Variants in WWTR1 observed in about 807,000 individuals in gnomAD.
WWTR1 encodes the protein WW domain containing transcription regulator 1.
WWTR1 carries 13 observed loss-of-function variants against 40.1 expected under a neutral mutation model. That is an observed-to-expected ratio of 0.32 (90% CI 0.21 to 0.52). WWTR1 has a LOEUF of 0.52. Among genes scored for constraint, WWTR1 ranks in the 20% least tolerant of loss-of-function variants. The pLI, the probability that WWTR1 is intolerant of heterozygous loss-of-function variation, is 0.97. For synonymous variants in WWTR1, 230 were observed against 210.1 expected, an observed-to-expected ratio of 1.09 and a Z score of -0.82; for missense variants, 436 against 523.1, an observed-to-expected ratio of 0.83 and a Z score of 1.63.
chr3:149,676,268 CA>C (rs11396107), intron 1 of WWTR1, among the ~76,000 whole-genome samples: 7 of 151,928 alleles, frequency 4.6e-5, no homozygotes, highest in African/African-American at 1.7e-4. Context: ...GGGAAAGAGA[CA>C]AAAAAAATCT....
At chr3:149,655,208 G>A (rs1713135825) in intron 2 of WWTR1, among the ~76,000 whole-genome samples, 1 of 151,964 alleles carries the variant, frequency 6.6e-6, no homozygotes, top group African/African-American at 2.4e-5. Context: ...ACTTTAGGAG[G>A]CCGAGGCAGG....
At chr3:149,620,390 G>A (rs779532296) in intron 2 of WWTR1, among the ~76,000 whole-genome samples, 1 of 152,150 alleles carries the variant, frequency 6.6e-6, no homozygotes. Flanking sequence ...GGCAACCACA[G>A]AATTCATCTT....
At chr3:149,538,696 A>G (rs1735940558) in intron 4 of WWTR1, among the ~76,000 whole-genome samples, 2 of 152,200 alleles carry the variant, frequency 1.3e-5, no homozygotes, top group South Asian at 2.1e-4. Flanking sequence ...GGAAAGAAAA[A>G]GGAGTATCTG....
At chr3:149,526,725 C>G (rs1431020106) in intron 5 of WWTR1, among the ~76,000 whole-genome samples, 3 of 152,094 alleles carry the variant, frequency 2.0e-5, no homozygotes, top group African/African-American at 4.8e-5. Context: ...AATTTAAAAC[C>G]TCCATTAATT....
At chr3:149,655,975 G>A (rs374205323) in intron 2 of WWTR1, among the ~76,000 whole-genome samples, 13 of 152,294 alleles carry the variant, frequency 8.5e-5, no homozygotes, top group African/African-American at 3.1e-4. Flanking sequence ...AAGTGGTTAG[G>A]CTGGCACAAC....
chr3:149,617,277 G>A (rs1740019838), intron 2 of WWTR1, among the ~76,000 whole-genome samples: 2 of 152,222 alleles, frequency 1.3e-5, no homozygotes, highest in Admixed American at 1.3e-4. Flanking sequence ...TCACTCCAGG[G>A]CAATTGGATT....
chr3:149,540,768 T>G (rs1736057830), intron 4 of WWTR1, among the ~76,000 whole-genome samples: 2 of 152,092 alleles, frequency 1.3e-5, no homozygotes, highest in East Asian at 3.8e-4. Context: ...TACCTAATTA[T>G]TAAGTTGTAT....
intron 3 of WWTR1, chr3:149,724,249 C>T (rs1715822559): frequency 6.6e-6 from 1 of 152,018 alleles, no homozygotes; most frequent in Non-Finnish European, 1.5e-5. Flanking sequence ...TATAATGAAT[C>T]CCTGTGCACT....
At chr3:149,657,646 CAGCCCCCCGAAA>C (rs1480331837) in intron 1 of WWTR1, 107 bp downstream of exon 1, 27 of 234,312 alleles carry the variant, frequency 1.2e-4, no homozygotes, top group Non-Finnish European at 2.1e-4. Context: ...CCAGGACAGG[CAGCCCCCCGAAA>C]GAAGTTCAGC....
chr3:149,692,523 T>C (rs1220712493), intron 1 of WWTR1, among the ~76,000 whole-genome samples: 3 of 152,186 alleles, frequency 2.0e-5, no homozygotes, highest in Non-Finnish European at 2.9e-5. Context: ...AAGCCATATA[T>C]GACAGACCCA....
At position 149,635,865 on chromosome 3, in the gene WWTR1, A is replaced by G. The variant is rs58621801; in HGVS notation, c.431+21011T>C. ...ATAAAAAAAAGGCAATGTTGAATAT[A>G]TGACCATCTATGAGTAAAGTAAACC... On this transcript the variant is annotated intron_variant, in intron 2 of 6. Coordinates refer to ENST00000360632, the MANE Select transcript of WWTR1 (RefSeq NM_015472.6). Among the ~76,000 whole-genome samples, 742 of 152,314 alleles carry G rather than the reference A, an allele frequency of 4.9e-3. 4 individuals carry two copies. The highest frequency in any genetic ancestry group is 0.017 in the African/African-American group (696 of 41,566).
Position 149,657,280 on chromosome 3 carries a change from C to T in WWTR1, c.27G>A (p.Pro9=), listed in dbSNP as rs1300743027. The T allele has an allele frequency of 6.2e-7, 1 of 1,612,470 alleles. No homozygotes were observed. The highest frequency in any genetic ancestry group is 2.2e-5 in the East Asian group (1 of 44,848). Residue 9 remains proline, a synonymous_variant, in exon 2 of 7, where the codon CCG becomes CCA. Transcript: ENST00000360632. MNPASAPP[P]LPPPGQQVIH... ...TCACTTGCTGCCCAGGCGGCGGGAG[C>T]GGAGGGGGCGCCGAGGCCGGATTCA...
chr3:149,577,225 C>T (rs972644135), intron 2 of WWTR1, among the ~76,000 whole-genome samples: 1 of 152,128 alleles, frequency 6.6e-6, no homozygotes, highest in African/African-American at 2.4e-5. Context: ...CTCCTATCTT[C>T]GTGTGGCTCA....
intron 4 of WWTR1, among the ~76,000 whole-genome samples, chr3:149,535,971 C>T (rs1057390409): frequency 3.9e-5 from 6 of 152,026 alleles, no homozygotes; most frequent in Non-Finnish European, 5.9e-5. Flanking sequence ...CAAGATTGTG[C>T]CACAGCACTC....
intron 1 of WWTR1, among the ~76,000 whole-genome samples, chr3:149,686,405 G>A (rs1714654851): frequency 6.6e-6 from 1 of 152,164 alleles, no homozygotes; most frequent in Non-Finnish European, 1.5e-5. Flanking sequence ...TGAAGTCCAA[G>A]GCTATAAGGA....
chr3:149,601,746 C>G (rs987040267), intron 2 of WWTR1, among the ~76,000 whole-genome samples: 1 of 151,472 alleles, frequency 6.6e-6, no homozygotes, highest in East Asian at 1.9e-4. Flanking sequence ...TTATATAATT[C>G]TATTCTTTGG....
chr3:149,590,945 T>C (rs1435050904), intron 2 of WWTR1, among the ~76,000 whole-genome samples: 1 of 151,452 alleles, frequency 6.6e-6, no homozygotes, highest in East Asian at 1.9e-4. Flanking sequence ...TCCCTCCTTG[T>C]CCCTCCTGAA....
intron 4 of WWTR1, among the ~76,000 whole-genome samples, chr3:149,531,833 G>A (rs549244230): frequency 2.0e-5 from 3 of 152,240 alleles, no homozygotes; most frequent in African/African-American, 7.2e-5. Flanking sequence ...GTTCACTCCT[G>A]TACCCAACTA....
intron 3 of WWTR1, among the ~76,000 whole-genome samples, chr3:149,561,040 T>G (rs951425722): frequency 6.6e-6 from 1 of 152,152 alleles, no homozygotes; most frequent in African/African-American, 2.4e-5. Flanking sequence ...AAAATTGTAT[T>G]TTTTAAGAAA....
Sources: allele counts gnomAD v4.1 joint callset (sites outside exome capture counted in the v4.1 genomes callset), GRCh38; gene constraint gnomAD v4.1.1; transcripts MANE v1.5; gene names NCBI Gene and HGNC (gene_info 2026-07-23, HGNC 2026-07-21).